The following DEAF1 variants were observed in gnomAD, a reference collection of about 807,000 sequenced individuals.
DEAF1 encodes deformed epidermal autoregulatory factor 1 homolog.
In DEAF1, 53 loss-of-function variants were observed where a neutral mutation model predicts 58.9. The ratio of observed to expected loss-of-function variants is 0.90; its 90% CI spans 0.72 to 1.13. The LOEUF (loss-of-function observed/expected upper bound fraction) is 1.13. Ranked by LOEUF, DEAF1 falls within the 50% of genes most tolerant of loss-of-function variation. The probability of loss-of-function intolerance (pLI) is 0.00; values close to 1 mark genes in which losing one functional copy is unlikely to be tolerated. For synonymous variants in DEAF1, 385 were observed against 340.4 expected, an observed-to-expected ratio of 1.13 and a Z score of -1.44; for missense variants, 685 against 791.4, an observed-to-expected ratio of 0.87 and a Z score of 1.61.
intron 9 of DEAF1, 37 bp from the exon 10 acceptor site, chr11:674,820 A>G: frequency 6.2e-7 from 1 of 1,604,172 alleles, no homozygotes; most frequent in Non-Finnish European, 8.5e-7. Flanking sequence ...CCAAGAAATT[A>G]ATACATCTCC....
At chr11:675,625 C>G (rs936909445) in intron 9 of DEAF1, among the ~76,000 whole-genome samples, 1 of 152,148 alleles carries the variant, frequency 6.6e-6, no homozygotes, top group Non-Finnish European at 1.5e-5. Context: ...GAGTTCGAGG[C>G]TAGCCTGGTC....
rs542294314 is a variant in DEAF1 at position 671,987 on chromosome 11, C to T, written c.1503+2549G>A. Among the ~76,000 whole-genome samples the T allele has an allele frequency of 3.3e-4, 50 of 152,266 alleles. 1 individual carries two copies. Among genetic ancestry groups the T allele is most frequent in the African/African-American group, 1.2e-3 (50 of 41,554 alleles). ...CATCTGCCATGATGGTGAGACCTCC[C>T]CAGCCATGTGGAGCTGCAGTGTCAC... On this transcript the variant is annotated intron_variant, in intron 10 of 11. Coordinates refer to ENST00000382409, the MANE Select transcript of DEAF1 (RefSeq NM_021008.4).
chr11:699,866 C>G (rs1379898778), upstream of DEAF1: 2 of 433,986 alleles, frequency 4.6e-6, no homozygotes, highest in Non-Finnish European at 8.3e-6. Context: ...CCTGACCAGT[C>G]CTGTCCACAG....
intron 10 of DEAF1, among the ~76,000 whole-genome samples, chr11:665,065 G>A (rs1273213796): frequency 7.3e-5 from 7 of 95,518 alleles, no homozygotes; most frequent in Non-Finnish European, 8.7e-5. Flanking sequence ...AGGACAGGGC[G>A]TCACACTCGG....
chr11:694,965 GCCGCCGCCACAGCGGCCGCGGCCGCCA>G lies in DEAF1; in HGVS notation c.56_82del (p.Val19_Ala27del), dbSNP rs768085739. On this transcript the variant is annotated inframe_deletion, in exon 1 of 12. Coordinates refer to ENST00000382409, the MANE Select transcript of DEAF1 (RefSeq NM_021008.4). Reference sequence around the variant, plus strand: ...CTCGCCTCCTGCCGCGGCCGCGGCCGCCGCCGCCACAGCGGCCGCGGCCGCCACCGCCGCCGCCTCAGCCAGGCCCAG... The same window carrying G: ...CTCGCCTCCTGCCGCGGCCGCGGCCGCCGCCGCCGCCTCAGCCAGGCCCAG... The G allele has an allele frequency of 2.1e-4, 236 of 1,140,816 alleles. 23 individuals carry two copies. The highest frequency in any genetic ancestry group is 7.7e-4 in the South Asian group (24 of 31,206). 70.7% of individuals were successfully genotyped at this position (1,140,816 alleles called of 1,614,324 possible).
intron 1 of DEAF1, chr11:703,908 G>C: frequency 8.1e-7 from 1 of 1,240,618 alleles, no homozygotes; most frequent in Non-Finnish European, 1.0e-6. Flanking sequence ...ATCAGCTTTT[G>C]CCTTTTGCAC....
chr11:670,329 G>T (rs368071978), intron 10 of DEAF1, among the ~76,000 whole-genome samples: 54 of 151,680 alleles, frequency 3.6e-4, no homozygotes, highest in African/African-American at 1.2e-3. Flanking sequence ...CAGGGTTATA[G>T]ATTTTTTTGC....
Position 644,480 on chromosome 11 carries a change from G to T in DEAF1, c.*70C>A. The T allele has an allele frequency of 8.2e-7, 1 of 1,212,744 alleles. No individual in the cohort carries two copies. Among genetic ancestry groups the T allele is most frequent in the Non-Finnish European group, 1.2e-6 (1 of 836,004 alleles). 75.1% of individuals were successfully genotyped at this position (1,212,744 alleles called of 1,614,324 possible). ...TCAACGTCCCCCCAGAGTCCTCAGG[G>T]GGGCCTTCGACCTGCAAAAGCCTCA... On this transcript the variant is annotated 3_prime_UTR_variant, in exon 12 of 12. Transcript: ENST00000382409. The surrounding 1 kb of genome is among the most constrained non-coding windows in gnomAD (Gnocchi z 4.3).
intron 10 of DEAF1, among the ~76,000 whole-genome samples, chr11:656,562 G>A (rs990005744): frequency 1.3e-5 from 2 of 152,252 alleles, no homozygotes; most frequent in Non-Finnish European, 1.5e-5. Context: ...GTGGATGGCC[G>A]GGCCAGGCAG....
chr11:699,009 G>C, upstream of DEAF1: 1 of 1,203,244 alleles, frequency 8.3e-7, no homozygotes, highest in African/African-American at 1.5e-5. Context: ...ACTTTGGAGA[G>C]GGGGGTGTTC....
intron 1 of DEAF1, chr11:702,904 C>A: frequency 6.5e-7 from 1 of 1,545,036 alleles, no homozygotes; most frequent in Non-Finnish European, 8.8e-7. Flanking sequence ...CTCCAGGGAG[C>A]GCCTCGCACC....
intron 11 of DEAF1, among the ~76,000 whole-genome samples, chr11:651,861 G>A (rs1858789075): frequency 6.6e-6 from 1 of 152,214 alleles, no homozygotes; most frequent in Non-Finnish European, 1.5e-5. Flanking sequence ...ACTCCAGCCT[G>A]GGCGACAGAG....
chr11:696,598 AT>A (rs1483351856), upstream of DEAF1, among the ~76,000 whole-genome samples: 1 of 151,636 alleles, frequency 6.6e-6, no homozygotes, highest in Non-Finnish European at 1.5e-5. Flanking sequence ...GACCCCCTCT[AT>A]AAAAAAAAAA....
intron 6 of DEAF1, among the ~76,000 whole-genome samples, chr11:683,269 T>G (rs1860450924): frequency 6.6e-6 from 1 of 152,232 alleles, no homozygotes; most frequent in African/African-American, 2.4e-5. Context: ...GTCAGGAAGA[T>G]TTTCCAATGT....
chr11:681,411 CTTTT>C (rs145689269), intron 6 of DEAF1, among the ~76,000 whole-genome samples: 25 of 123,114 alleles, frequency 2.0e-4, no homozygotes, highest in Admixed American at 3.3e-4. Flanking sequence ...TTCTTTCTTT[CTTTT>C]TTTTTTTTTT....
At chr11:685,331 G>T (rs1276820642) in intron 5 of DEAF1, among the ~76,000 whole-genome samples, 1 of 152,064 alleles carries the variant, frequency 6.6e-6, no homozygotes, top group Non-Finnish European at 1.5e-5. Context: ...CAATCTGCCC[G>T]CCTCGGCCTC....
chr11:678,196 G>C (rs946599089), intron 9 of DEAF1: 1 of 193,914 alleles, frequency 5.2e-6, no homozygotes, highest in Non-Finnish European at 1.1e-5. Context: ...GCAATAGAGC[G>C]AGACTCAGTC....
chr11:674,359 G>T (rs1859962861), intron 10 of DEAF1, 177 bp downstream of exon 10: 2 of 903,950 alleles, frequency 2.2e-6, no homozygotes, highest in Non-Finnish European at 3.4e-6. Flanking sequence ...AACAATAGCT[G>T]TCACTTTTCT....
At chr11:700,754 A>G (rs1387404934) in intron 1 of DEAF1, 3 of 1,508,622 alleles carry the variant, frequency 2.0e-6, no homozygotes, top group South Asian at 1.1e-5. Flanking sequence ...AAGAGTTGCT[A>G]TCTGTTTCCA....
Sources: gnomAD v4.1 joint callset for allele counts (sites outside exome capture counted in the v4.1 genomes callset) on GRCh38, gnomAD v4.1.1 for gene constraint, Gnocchi (gnomAD v3.1) non-coding constraint, MANE v1.5 for transcripts, NCBI Gene and HGNC (gene_info 2026-07-23, HGNC 2026-07-21) for gene names.